Variants in CFAP126 observed in about 807,000 individuals in gnomAD.
CFAP126 encodes the protein protein Flattop.
Under a neutral mutation model 17.1 loss-of-function variants are expected in CFAP126, and 21 were observed. That is an observed-to-expected ratio of 1.23 (90% CI 0.87 to 1.77). The LOEUF (loss-of-function observed/expected upper bound fraction) is 1.77, where lower values mean the gene tolerates loss of function less well. CFAP126 is among the 40% of genes most tolerant of loss of function. The probability of loss-of-function intolerance (pLI) is 0.00; values close to 1 mark genes in which losing one functional copy is unlikely to be tolerated. For missense variants in CFAP126, 174 were observed against 215.4 expected, an observed-to-expected ratio of 0.81 and a Z score of 1.20; for synonymous variants, 65 against 73.5, an observed-to-expected ratio of 0.88 and a Z score of 0.59.
At chr1:161,366,935 A>G (rs1672749386) in intron 1 of CFAP126, 1 of 180,556 alleles carries the variant, frequency 5.5e-6, no homozygotes, top group Non-Finnish European at 1.2e-5. Flanking sequence ...CACCATGTCC[A>G]GCTAATTTTT....
chr1:161,366,568 G>T, intron 1 of CFAP126, 67 bp from the exon 2 acceptor site: 1 of 1,415,348 alleles, frequency 7.1e-7, no homozygotes, highest in Non-Finnish European at 1.0e-6. Context: ...TGAAGACTAG[G>T]CACAATTCTT....
chr1:161,366,939 A>G (rs1488736155), intron 1 of CFAP126: 1 of 179,434 alleles, frequency 5.6e-6, no homozygotes, highest in African/African-American at 2.4e-5. Flanking sequence ...ATGTCCAGCT[A>G]ATTTTTAAAT....
At chr1:161,366,355 T>A (rs1672730266) in intron 2 of CFAP126, 77 bp from the exon 3 acceptor site, 1 of 1,565,886 alleles carries the variant, frequency 6.4e-7, no homozygotes, top group Non-Finnish European at 8.8e-7. Flanking sequence ...CAGAGAAGGA[T>A]ATGGGAGTTT....
Position 161,365,081 on chromosome 1 carries a change from T to C in CFAP126, c.418A>G (p.Ser140Gly). The change falls in exon 5 of 5, where the codon AGT (serine) becomes GGT (glycine). Residue 140 changes from serine to glycine, a missense_variant. Transcript: ENST00000367974. ...SITKTVQQAR[S>G]PTIIPSSPAA... The stretch of plus-strand genomic sequence containing the variant: ...GGGGAGCTTGGAATTATGGTTGGAC[T>C]TCGTGCTTGTTGTACAGTCTTTGTG... 5 of 1,614,184 alleles carry C rather than the reference T, an allele frequency of 3.1e-6. No individual in the cohort carries two copies. The highest frequency in any genetic ancestry group is 4.2e-6 in the Non-Finnish European group (5 of 1,180,012).
Position 161,364,891 on chromosome 1 carries a change from G to T in CFAP126, c.*74C>A, listed in dbSNP as rs920180659. 2 of 1,424,680 alleles carry T rather than the reference G, an allele frequency of 1.4e-6. No individual in the cohort carries two copies. Among genetic ancestry groups the T allele is most frequent in the Non-Finnish European group, 1.9e-6 (2 of 1,026,060 alleles). The allele number at this position is 1,424,680 out of a possible 1,614,324, so 88.3% of individuals were successfully genotyped here. A position where few individuals can be genotyped will look rare whatever the true frequency, so the allele number is the denominator to read the frequency against. Reference sequence around the variant, plus strand: ...CCACTTGGTCCATATGAAGTTCCAGGTTTGTATTTCTGGACCTCAGCTAGA... The same window carrying T: ...CCACTTGGTCCATATGAAGTTCCAGTTTTGTATTTCTGGACCTCAGCTAGA... On this transcript the variant is annotated 3_prime_UTR_variant, in exon 5 of 5. Transcript: ENST00000367974.
At chr1:161,366,060 G>T in intron 3 of CFAP126, 138 bp downstream of exon 3, 1 of 769,992 alleles carries the variant, frequency 1.3e-6, no homozygotes, top group Non-Finnish European at 2.2e-6. Flanking sequence ...CTGGCCGGAA[G>T]TTCAGGGGCT....
Position 161,365,329 on chromosome 1 carries a change from A to AT in CFAP126, c.349-180dup, listed in dbSNP as rs1392996035. 3.8e-5 allele frequency: 34 copies of AT among 902,508 alleles called. No homozygotes were observed. The South Asian group carries it at 5.4e-4, about 14-fold the overall frequency. 55.9% of individuals were successfully genotyped at this position (902,508 alleles called of 1,614,324 possible). The stretch of plus-strand genomic sequence containing the variant: ...CCCTCCCCCACCTTGAGATTAGATC[A>AT]TTTTCTACTGTTGGGGGTATGATGT... On this transcript the variant is annotated intron_variant, in intron 4 of 4. Coordinates refer to ENST00000367974, the MANE Select transcript of CFAP126 (RefSeq NM_001013625.4).
In CFAP126 at chr1:161,365,678, C is replaced by G. The variant is rs780667549; in HGVS notation, c.196G>C (p.Gly66Arg). The change falls in exon 4 of 5, where the codon GGC becomes CGC. Residue 66 changes from glycine to arginine, a missense_variant. Gly to Arg is a moderately radical substitution (Grantham distance 125). Coordinates refer to ENST00000367974, the MANE Select transcript of CFAP126 (RefSeq NM_001013625.4). Reference protein sequence around the residue: ...SKANPWGSFMGTWQMPLKIPP... With the variant: ...SKANPWGSFMRTWQMPLKIPP... The stretch of plus-strand genomic sequence containing the variant: ...ATCTTCAGAGGCATTTGCCAGGTGC[C>G]CATGAAGGAACCCCAAGGATTTGCC... 1 of 1,599,540 alleles carries G rather than the reference C, an allele frequency of 6.3e-7. No individual in the cohort carries two copies. The highest frequency in any genetic ancestry group is 8.5e-7 in the Non-Finnish European group (1 of 1,173,282).
chr1:161,364,922 C>T lies in CFAP126; in HGVS notation c.*43G>A. 1 of 1,576,440 alleles carries T rather than the reference C, an allele frequency of 6.3e-7. No homozygotes were observed. Among genetic ancestry groups the T allele is most frequent in the South Asian group, 1.1e-5 (1 of 89,966 alleles). On this transcript the variant is annotated 3_prime_UTR_variant, in exon 5 of 5. Coordinates refer to ENST00000367974, the MANE Select transcript of CFAP126 (RefSeq NM_001013625.4). ...ATTTCTGGACCTCAGCTAGATTAGG[C>T]CCTGCCCAGAGTTCTAGCATACGTG...
Position 161,365,672 on chromosome 1 carries a change from A to G in CFAP126, c.202T>C (p.Trp68Arg). 1 of 1,604,136 alleles carries G rather than the reference A, an allele frequency of 6.2e-7. No individual in the cohort carries two copies. The highest frequency in any genetic ancestry group is 8.5e-7 in the Non-Finnish European group (1 of 1,175,370). Reference protein sequence around the residue: ...ANPWGSFMGTWQMPLKIPPAR... With the variant: ...ANPWGSFMGTRQMPLKIPPAR... ...GGGGGTATCTTCAGAGGCATTTGCC[A>G]GGTGCCCATGAAGGAACCCCAAGGA... Residue 68 changes from tryptophan to arginine, a missense_variant, in exon 4 of 5, where the codon TGG becomes CGG. Coordinates refer to ENST00000367974, the MANE Select transcript of CFAP126 (RefSeq NM_001013625.4).
rs1295421900 is a variant in CFAP126, at chr1:161,366,428, A to C, written c.90+11T>G. 1 of 1,612,662 alleles carries C rather than the reference A, an allele frequency of 6.2e-7. No individual in the cohort carries two copies. The highest frequency in any genetic ancestry group is 8.5e-7 in the Non-Finnish European group (1 of 1,178,614). The stretch of plus-strand genomic sequence containing the variant: ...TGAGGCTATCTTGTAGGTGCACTGA[A>C]CATGGAATACCTCTTTTGTTGGCTT... On this transcript the variant is annotated intron_variant, in intron 2 of 4. Transcript: ENST00000367974.
Position 161,366,503 on chromosome 1 carries a change from T to C in CFAP126, c.28-2A>G. ...CTTGGATGAGAAAGCCTTTTCATAC[T>C]GTGGAGAGAAAGATAAGTAGCCCTA... is the stretch of plus-strand genomic sequence containing the variant. On this transcript the variant is annotated splice_acceptor_variant, in intron 1 of 4. Coordinates refer to ENST00000367974, the MANE Select transcript of CFAP126 (RefSeq NM_001013625.4). LOFTEE classifies it high-confidence loss of function. 15 of 1,613,752 alleles carry C rather than the reference T, an allele frequency of 9.3e-6. No individual in the cohort carries two copies. Among genetic ancestry groups the C allele is most frequent in the East Asian group, 2.2e-5 (1 of 44,870 alleles).
chr1:161,365,196 C>A, intron 4 of CFAP126, 46 bp from the exon 5 acceptor site: 1 of 1,574,538 alleles, frequency 6.4e-7, no homozygotes, highest in Admixed American at 1.7e-5. Context: ...TCTGGTCAGG[C>A]CCGGATCATT....
chr1:161,365,183 G>C (rs754623839), intron 4 of CFAP126, 33 bp from the exon 5 acceptor site: 2 of 1,594,766 alleles, frequency 1.3e-6, no homozygotes, highest in South Asian at 2.2e-5. Context: ...AGATAGTCAT[G>C]TCTCTGGTCA....
intron 4 of CFAP126, 158 bp from the exon 5 acceptor site, chr1:161,365,308 C>T (rs1672689593): frequency 6.5e-6 from 6 of 916,594 alleles, no homozygotes; most frequent in Non-Finnish European, 6.6e-6. Context: ...TAACCACCCT[C>T]CCCCACCTTG....
rs760442892 is a variant in CFAP126, at chr1:161,366,156, A to G, written c.171+42T>C. 14 of 1,450,416 alleles carry G rather than the reference A, an allele frequency of 9.7e-6. No homozygotes were observed. In the Admixed American group the frequency reaches 2.3e-4, roughly 24 times the overall value. 89.8% of individuals were successfully genotyped at this position (1,450,416 alleles called of 1,614,324 possible). A position where few individuals can be genotyped will look rare whatever the true frequency, so the allele number is the denominator to read the frequency against. On this transcript the variant is annotated intron_variant, in intron 3 of 4. Coordinates refer to ENST00000367974, the MANE Select transcript of CFAP126 (RefSeq NM_001013625.4). Reference sequence around the variant, plus strand: ...TGCACATCTCCCAGTTCTGTGCCTTAATTATTTGACTTTCTTGATAGGAGT... The same window carrying G: ...TGCACATCTCCCAGTTCTGTGCCTTGATTATTTGACTTTCTTGATAGGAGT...
In CFAP126 at chr1:161,365,129, T is replaced by C. The variant is rs764243601; in HGVS notation, c.370A>G (p.Lys124Glu). The change falls in exon 5 of 5, where the codon AAG (lysine) becomes GAG (glutamate). Residue 124 changes from lysine to glutamate, a missense_variant. By Grantham distance (56) the Lys-to-Glu change is moderately conservative (BLOSUM62 1). Coordinates refer to ENST00000367974, the MANE Select transcript of CFAP126 (RefSeq NM_001013625.4). ...LGKPHDPDSQ[K>E]KLRKKSITKT... The stretch of plus-strand genomic sequence containing the variant: ...GTGATAGACTTCTTTCTGAGTTTCT[T>C]CTGACTGTCTGGATCATGGGGCTGT... The C allele has an allele frequency of 9.9e-6, 16 of 1,614,136 alleles. No homozygotes were observed. Among genetic ancestry groups the C allele is most frequent in the Non-Finnish European group, 1.3e-5 (15 of 1,179,996 alleles).
chr1:161,365,694 A>G lies in CFAP126; in HGVS notation c.180T>C (p.Pro60=), dbSNP rs1376925183. Residue 60 remains proline, a synonymous_variant, in exon 4 of 5, where the codon CCT becomes CCC. Transcript: ENST00000367974. ...LPSVPRSKAN[P]WGSFMGTWQM... Reference sequence around the variant, plus strand: ...GCCAGGTGCCCATGAAGGAACCCCAAGGATTTGCCTAAAAATGAAAAGGGA... The same window carrying G: ...GCCAGGTGCCCATGAAGGAACCCCAGGGATTTGCCTAAAAATGAAAAGGGA... The G allele has an allele frequency of 2.5e-6, 4 of 1,586,590 alleles. No individual in the cohort carries two copies. The highest frequency in any genetic ancestry group is 1.8e-5 in the Admixed American group (1 of 54,322).
intron 4 of CFAP126, 64 bp downstream of exon 4, chr1:161,365,462 A>G (rs1672696005): frequency 1.9e-6 from 3 of 1,573,800 alleles, no homozygotes; most frequent in African/African-American, 2.7e-5. Flanking sequence ...AACAATAGAC[A>G]TTTTTTGAGG....
Sources: gnomAD v4.1 joint callset for allele counts on GRCh38, gnomAD v4.1.1 for gene constraint, MANE v1.5 for transcripts, NCBI Gene and HGNC (gene_info 2026-07-23, HGNC 2026-07-21) for gene names.